Variants in PRKDC observed in about 807,000 individuals in gnomAD.
PRKDC encodes DNA-dependent protein kinase catalytic subunit.
PRKDC carries 82 observed loss-of-function variants against 486.9 expected under a neutral mutation model. That is an observed-to-expected ratio of 0.17 (90% CI 0.14 to 0.20). The LOEUF (loss-of-function observed/expected upper bound fraction) is 0.20, where lower values mean the gene tolerates loss of function less well. Ranked by LOEUF, PRKDC falls within the 10% of genes least tolerant of loss-of-function variation. The probability of loss-of-function intolerance (pLI) is 1.00; values close to 1 mark genes in which losing one functional copy is unlikely to be tolerated. For missense variants in PRKDC, 4,504 were observed against 5,038.2 expected (o/e 0.89, Z 3.21); for synonymous variants, 1,895 against 1,837.0 (o/e 1.03, Z -0.81).
intron 61 of PRKDC, 62 bp downstream of exon 61, chr8:47,830,543 A>G (rs944171444): frequency 1.3e-6 from 2 of 1,587,776 alleles, no homozygotes; most frequent in African/African-American, 2.7e-5. Flanking sequence ...TCACATAGGC[A>G]AACCCCTGAA....
intron 46 of PRKDC, among the ~76,000 whole-genome samples, chr8:47,859,311 T>C (rs1328478173): frequency 6.6e-6 from 1 of 152,084 alleles, no homozygotes; most frequent in East Asian, 1.9e-4. Context: ...AGGTCAGATG[T>C]CTCTGCTATG....
At chr8:47,820,640 A>ATAC in intron 66 of PRKDC, 79 bp downstream of exon 66, 1 of 850,264 alleles carries the variant, frequency 1.2e-6, no homozygotes, top group Non-Finnish European at 1.6e-6. Flanking sequence ...TAAAAATAGT[A>ATAC]TATTTCAGAT....
chr8:47,957,140 A>G lies in PRKDC; in HGVS notation c.324+31T>C, dbSNP rs1389277165. The G allele has an allele frequency of 2.2e-6, 3 of 1,377,642 alleles. No homozygotes were observed. In the South Asian group the frequency reaches 3.8e-5, roughly 17 times the overall value. 85.3% of individuals were successfully genotyped at this position (1,377,642 alleles called of 1,614,324 possible). ...TAAGTTAAAACAGATGTTGATATAT[A>G]ATGTAATAAGGTATGTTTTTTAATT... is the stretch of plus-strand genomic sequence containing the variant. On this transcript the variant is annotated intron_variant, in intron 3 of 85. Transcript: ENST00000314191.
chr8:47,887,645 C>T lies in PRKDC; in HGVS notation c.4474G>A (p.Ala1492Thr). Residue 1492 changes from alanine to threonine, a missense_variant, in exon 35 of 86, where the codon GCC becomes ACC. Ala to Thr is a moderately conservative substitution (Grantham distance 58). Transcript: ENST00000314191. ...ELLSLVYKGIAPGDERQCLPS... is the reference protein window; with the variant it reads ...ELLSLVYKGITPGDERQCLPS... ...AGACACTGTCTCTCATCTCCAGGGG[C>T]AATGCCTTTATAAACCAGGGAAAGA... is the stretch of plus-strand genomic sequence containing the variant. 6.2e-7 allele frequency: 1 copy of T among 1,608,882 alleles called. No homozygotes were observed. The highest frequency in any genetic ancestry group is 1.1e-5 in the South Asian group (1 of 89,420).
Position 47,801,439 on chromosome 8 carries a change from T to A in PRKDC, c.9923-453A>T, listed in dbSNP as rs542069429. On this transcript the variant is annotated intron_variant, in intron 70 of 85. Transcript: ENST00000314191. ...GAAAGTATAAGAAACTGACTTCAAA[T>A]ACTGACTAGGGAATTTCTTGAACTC... is the stretch of plus-strand genomic sequence containing the variant. Among the ~76,000 whole-genome samples, 20 of 152,318 alleles carry A rather than the reference T, an allele frequency of 1.3e-4. No homozygotes were observed. In the South Asian group the frequency reaches 4.1e-3, roughly 32 times the overall value.
At chr8:47,954,861 G>T (rs934730773) in intron 4 of PRKDC, among the ~76,000 whole-genome samples, 1 of 152,092 alleles carries the variant, frequency 6.6e-6, no homozygotes, top group Non-Finnish European at 1.5e-5. Flanking sequence ...TAACTGCAAC[G>T]TATCAACTGA....
In PRKDC at chr8:47,834,686, C is replaced by CTTCTTTTT. The variant is rs1319694640; in HGVS notation, c.7952-291_7952-290insAAAAAGAA. 2.4e-4 allele frequency among the ~76,000 whole-genome samples: 23 copies of CTTCTTTTT among 96,774 alleles called. 2 individuals are homozygous for CTTCTTTTT. Among genetic ancestry groups the CTTCTTTTT allele is most frequent in the African/African-American group, 1.5e-3 (22 of 14,624 alleles). The allele number at this position is 96,774 out of a possible 152,430, so 63.5% of individuals were successfully genotyped here. A position where few individuals can be genotyped will look rare whatever the true frequency, so the allele number is the denominator to read the frequency against. ...ACTGAAAGGTGCTAAGAACCCCTGA[C>CTTCTTTTT]TTTTTTTTTTTTTTTTTTTTTTGAG... On this transcript the variant is annotated intron_variant, in intron 58 of 85. Transcript: ENST00000314191.
intron 40 of PRKDC, among the ~76,000 whole-genome samples, chr8:47,868,545 T>C (rs576947054): frequency 1.6e-4 from 25 of 152,096 alleles, no homozygotes; most frequent in Non-Finnish European, 2.6e-4. Flanking sequence ...GTATGGGCAA[T>C]AGAGCAAGAC....
At chr8:47,788,617 T>C (rs780792109) in intron 76 of PRKDC, among the ~76,000 whole-genome samples, 12 of 152,204 alleles carry the variant, frequency 7.9e-5, no homozygotes, top group African/African-American at 1.9e-4. Flanking sequence ...ATTTGAAGAA[T>C]TGGAAATCCC....
chr8:47,904,833 A>G, intron 26 of PRKDC, 36 bp downstream of exon 26: 2 of 1,372,536 alleles, frequency 1.5e-6, no homozygotes, highest in Non-Finnish European at 2.1e-6. Flanking sequence ...CAACTAATCG[A>G]TGGGAGTAAG....
At chr8:47,913,736 A>G (rs186955585) in intron 24 of PRKDC, among the ~76,000 whole-genome samples, 165 bp downstream of exon 24, 40 of 152,324 alleles carry the variant, frequency 2.6e-4, no homozygotes, top group African/African-American at 9.1e-4. Context: ...ACATTTATCA[A>G]TGACACTGAC....
At chr8:47,927,536 A>G (rs1222871130) in intron 20 of PRKDC, among the ~76,000 whole-genome samples, 183 bp from the exon 21 acceptor site, 4 of 152,234 alleles carry the variant, frequency 2.6e-5, no homozygotes, top group African/African-American at 7.2e-5. Flanking sequence ...TGGCTGTGGT[A>G]TACCGCAGCC....
Position 47,782,194 on chromosome 8 carries a change from G to A in PRKDC, c.11457C>T (p.Thr3819=). The change falls in exon 80 of 86, where the codon ACC becomes ACT. Residue 3819 remains threonine, a synonymous_variant. Transcript: ENST00000314191. This position sits in a 1 kb window ranked among gnomAD's most constrained non-coding sequence, Gnocchi z 4.9. Reference sequence around the variant, plus strand: ...AAGCCGCCTTCTCCTCTTGGGACATGGTGTTCAAAAGAAGGTCCTTCAAGG... The same window carrying A: ...AAGCCGCCTTCTCCTCTTGGGACATAGTGTTCAAAAGAAGGTCCTTCAAGG... ...TVTLKDLLLN[T]MSQEEKAAYL... 1 of 1,613,970 alleles carries A rather than the reference G, an allele frequency of 6.2e-7. No individual in the cohort carries two copies. The highest frequency in any genetic ancestry group is 1.3e-5 in the African/African-American group (1 of 75,054).
intron 38 of PRKDC, among the ~76,000 whole-genome samples, chr8:47,879,937 C>T (rs549133540): frequency 1.9e-4 from 29 of 151,320 alleles, no homozygotes; most frequent in Non-Finnish European, 2.9e-4. Flanking sequence ...CTCCGCCTCC[C>T]GGGTTCAAGT....
At chr8:47,844,781 A>G (rs2088229645) in intron 54 of PRKDC, among the ~76,000 whole-genome samples, 1 of 152,236 alleles carries the variant, frequency 6.6e-6, no homozygotes, top group East Asian at 1.9e-4. Context: ...CTACTCCTAA[A>G]TGACTATTGA....
At chr8:47,866,323 G>C (rs1384351150) in intron 40 of PRKDC, among the ~76,000 whole-genome samples, 5 of 152,138 alleles carry the variant, frequency 3.3e-5, no homozygotes, top group Non-Finnish European at 7.3e-5. Flanking sequence ...AGAACCATGA[G>C]AAATACTTTT....
chr8:47,829,219 G>C (rs564890210), intron 61 of PRKDC, among the ~76,000 whole-genome samples: 9 of 152,244 alleles, frequency 5.9e-5, no homozygotes, highest in Admixed American at 2.0e-4. Flanking sequence ...GGTGAGACTT[G>C]TGCTGCTTTT....
chr8:47,853,174 G>A (rs1234068212), intron 51 of PRKDC, among the ~76,000 whole-genome samples: 3 of 152,206 alleles, frequency 2.0e-5, no homozygotes, highest in Non-Finnish European at 2.9e-5. Flanking sequence ...TCCCAGTGCC[G>A]TCTGTGTGAG....
chr8:47,924,668 T>C (rs777084465), intron 21 of PRKDC, among the ~76,000 whole-genome samples: 1 of 152,084 alleles, frequency 6.6e-6, no homozygotes, highest in Non-Finnish European at 1.5e-5. Context: ...AGAGGTCCCT[T>C]CAGTGGCCAG....
Sources: allele counts gnomAD v4.1 joint callset (sites outside exome capture counted in the v4.1 genomes callset), GRCh38; gene constraint gnomAD v4.1.1; non-coding constraint Gnocchi (gnomAD v3.1); transcripts MANE v1.5; gene names NCBI Gene and HGNC (gene_info 2026-07-23, HGNC 2026-07-21).